The following SMARCA4 variants were observed in gnomAD, a reference collection of about 807,000 sequenced individuals.
The protein encoded by SMARCA4 is SWI/SNF related BAF chromatin remodeling complex subunit ATPase 4, also known as SWI/SNF-related matrix-associated actin-dependent regulator of chromatin subfamily A member 4.
SMARCA4 carries 31 observed loss-of-function variants against 193.9 expected under a neutral mutation model. The ratio of observed to expected loss-of-function variants is 0.16; its 90% confidence interval spans 0.12 to 0.22. The LOEUF (loss-of-function observed/expected upper bound fraction) is 0.22. Among genes scored for constraint, SMARCA4 ranks in the 10% least tolerant of loss-of-function variants. SMARCA4 has a pLI of 1.00. For synonymous variants in SMARCA4, 942 were observed against 933.1 expected (o/e 1.01, Z -0.17); for missense variants, 1,148 against 2,296.0 (o/e 0.50, Z 10.22).
chr19:11,058,726 C>T lies in SMARCA4; in HGVS notation c.4534-62C>T, dbSNP rs1025236894. 1.4e-5 allele frequency: 20 copies of T among 1,421,510 alleles called. No homozygotes were observed. Among genetic ancestry groups the T allele is most frequent in the Admixed American group, 1.4e-4 (8 of 59,242 alleles). 88.1% of individuals were successfully genotyped at this position (1,421,510 alleles called of 1,614,324 possible). ...GCCCGTGGGGTCTCCAGCACACAGCCAGGCCTGCGGGCAGGCGAGGCGGGG... is the reference window on the plus strand; with the variant it reads ...GCCCGTGGGGTCTCCAGCACACAGCTAGGCCTGCGGGCAGGCGAGGCGGGG... On this transcript the variant is annotated intron_variant, in intron 31 of 34. Coordinates refer to ENST00000344626, the MANE Select transcript of SMARCA4 (RefSeq NM_003072.5). The surrounding 1 kb of genome is among the most constrained non-coding windows in gnomAD (Gnocchi z 5.8).
At chr19:10,996,109 T>C in intron 9 of SMARCA4, 104 bp from the exon 10 acceptor site, 2 of 1,142,072 alleles carry the variant, frequency 1.8e-6, no homozygotes, top group Non-Finnish European at 2.7e-6. Context: ...GGCACCCGCG[T>C]GAGCTACGCG....
chr19:11,035,368 G>C (rs942246045), intron 29 of SMARCA4, among the ~76,000 whole-genome samples: 1 of 152,242 alleles, frequency 6.6e-6, no homozygotes, highest in Admixed American at 6.5e-5. Context: ...CTCAAAACCT[G>C]CTGCTGGTTA....
At position 11,039,570 on chromosome 19, in the gene SMARCA4, T is replaced by A. The variant is rs199543083; in HGVS notation, c.4171-1737T>A. The stretch of plus-strand genomic sequence containing the variant: ...GCGTCAAAGGTGGGGAGAGTTCTGG[T>A]GGTGGGTGGCGCTGAGGGCTGCACA... On this transcript the variant is annotated intron_variant, in intron 29 of 34. Transcript: ENST00000344626. 1.9e-4 allele frequency: 298 copies of A among 1,544,960 alleles called. No homozygotes were observed. The African/African-American group carries it at 3.9e-3, about 20-fold the overall frequency.
At chr19:11,008,240 C>T (rs1255942202) in intron 14 of SMARCA4, 4 of 507,956 alleles carry the variant, frequency 7.9e-6, no homozygotes, top group Non-Finnish European at 1.1e-5. Context: ...CATATGCTTA[C>T]GAGGTACAGT....
At chr19:10,967,468 G>A (rs1175382623) in intron 1 of SMARCA4, among the ~76,000 whole-genome samples, 1 of 151,212 alleles carries the variant, frequency 6.6e-6, no homozygotes. Flanking sequence ...CCGCCACCAC[G>A]CCCGGCTAAT....
In SMARCA4 at chr19:10,995,671, C is replaced by T. The variant is rs906434943; in HGVS notation, c.1594-542C>T. On this transcript the variant is annotated intron_variant, in intron 9 of 34. Transcript: ENST00000344626. ...GCAGGCAGCCATGTGCCAGGGCAGC[C>T]GGTAGCCCTGGGCTCCCAGAACAGC... is the stretch of plus-strand genomic sequence containing the variant. The T allele has an allele frequency of 5.9e-5, 22 of 370,674 alleles. No individual in the cohort carries two copies. The East Asian group carries it at 9.5e-4, about 16-fold the overall frequency. 23.0% of individuals were successfully genotyped at this position (370,674 alleles called of 1,614,324 possible). A position where few individuals can be genotyped will look rare whatever the true frequency, so the allele number is the denominator to read the frequency against.
chr19:11,033,145 T>A lies in SMARCA4; in HGVS notation c.3547-145T>A. ...CGGCCCAGGCTCCACCAGCTCTGTT[T>A]TCATGCGGCGGCAGGTCAGGCTGGG... On this transcript the variant is annotated intron_variant, in intron 25 of 34. Coordinates refer to ENST00000344626, the MANE Select transcript of SMARCA4 (RefSeq NM_003072.5). The surrounding 1 kb of genome is among the most constrained non-coding windows in gnomAD (Gnocchi z 9.8). 2.8e-6 allele frequency: 2 copies of A among 713,284 alleles called. No individual in the cohort carries two copies. The highest frequency in any genetic ancestry group is 2.9e-5 in the South Asian group (2 of 68,148). The allele number at this position is 713,284 out of a possible 1,614,324, so 44.2% of individuals were successfully genotyped here. A position where few individuals can be genotyped will look rare whatever the true frequency, so the allele number is the denominator to read the frequency against.
intron 20 of SMARCA4, among the ~76,000 whole-genome samples, chr19:11,023,917 G>T (rs2090053617): frequency 6.6e-6 from 1 of 152,260 alleles, no homozygotes; most frequent in African/African-American, 2.4e-5. Flanking sequence ...ATCAGGAGGG[G>T]CCGTGGGCTT....
intron 1 of SMARCA4, among the ~76,000 whole-genome samples, chr19:10,974,687 A>ATATATATATATTT (rs2084968413): frequency 8.7e-5 from 4 of 46,220 alleles, no homozygotes; most frequent in African/African-American, 3.9e-4. Context: ...ATATATATAT[A>ATATATATATATTT]TATTTTTTTT....
chr19:11,044,223 C>T (rs544798491), intron 30 of SMARCA4, among the ~76,000 whole-genome samples: 4 of 152,100 alleles, frequency 2.6e-5, no homozygotes, highest in East Asian at 1.9e-4. Flanking sequence ...CTTGGATCCA[C>T]GTGACATGGA....
At chr19:11,000,841 C>CA (rs36059259) in intron 11 of SMARCA4, among the ~76,000 whole-genome samples, 34,879 of 145,804 alleles carry the variant, frequency 0.24, 4,191 homozygotes, top group South Asian at 0.35. Flanking sequence ...GCCTGGGCGA[C>CA]AGAGTGAGAC....
rs2145745324 is a variant in SMARCA4 at position 10,985,217 on chromosome 19, C to T, written c.223-56C>T. ...GCTTCTCTCGGGCAGCGCATAGCTGCGCTGCCACCTCACGTTCCACATGCT... is the reference window on the plus strand; with the variant it reads ...GCTTCTCTCGGGCAGCGCATAGCTGTGCTGCCACCTCACGTTCCACATGCT... On this transcript the variant is annotated intron_variant, in intron 2 of 34. Transcript: ENST00000344626. This position sits in a 1 kb window ranked among gnomAD's most constrained non-coding sequence, Gnocchi z 4.5. 7 of 1,604,148 alleles carry T rather than the reference C, an allele frequency of 4.4e-6. No homozygotes were observed. Among genetic ancestry groups the T allele is most frequent in the East Asian group, 4.5e-5 (2 of 44,812 alleles).
chr19:10,972,547 T>C (rs2084760263), intron 1 of SMARCA4, among the ~76,000 whole-genome samples: 1 of 152,192 alleles, frequency 6.6e-6, no homozygotes, highest in Non-Finnish European at 1.5e-5. Context: ...ACCAGCTTGG[T>C]GCATTCAGCG....
At position 11,054,460 on chromosome 19, in the gene SMARCA4, G is replaced by C. The variant is rs2076431291; in HGVS notation, c.4425-3795G>C. On this transcript the variant is annotated intron_variant, in intron 30 of 34. Coordinates refer to ENST00000344626, the MANE Select transcript of SMARCA4 (RefSeq NM_003072.5). ...ACCTCGGCCCAGGATCATCCCTGGG[G>C]GAAGGACTGACAGGAGCGCATCTTT... 2.0e-5 allele frequency among the ~76,000 whole-genome samples: 3 copies of C among 152,200 alleles called. No homozygotes were observed. The South Asian group carries it at 6.2e-4, about 31-fold the overall frequency.
At position 10,995,243 on chromosome 19, in the gene SMARCA4, G is replaced by A. The variant is rs143408860; in HGVS notation, c.1593+242G>A. ...CTTAGCCGGCTCCTCTGCCTTCTCT[G>A]GAAAATGGAGGTGGTGCCCCCTTCC... On this transcript the variant is annotated intron_variant, in intron 9 of 34. Transcript: ENST00000344626. 1.3e-3 allele frequency: 828 copies of A among 645,860 alleles called. 5 individuals carry two copies. Among genetic ancestry groups the A allele is most frequent in the African/African-American group, 0.013 (718 of 56,194 alleles). The allele number at this position is 645,860 out of a possible 1,614,324, so 40.0% of individuals were successfully genotyped here.
rs751166438 is a variant in SMARCA4, at chr19:10,996,535, G to A, written c.1803G>A (p.Pro601=). 158 of 1,614,010 alleles carry A rather than the reference G, an allele frequency of 9.8e-5. No individual in the cohort carries two copies. In the Admixed American group the frequency reaches 1.0e-3, roughly 11 times the overall value. Residue 601 remains proline, a synonymous_variant, in exon 11 of 35, where the codon CCG becomes CCA. Coordinates refer to ENST00000344626, the MANE Select transcript of SMARCA4 (RefSeq NM_003072.5). ...NAEGQTPAIG[P]DGEPLDETSQ... ...AAGGACAGACGCCTGCCATTGGGCCGGATGGCGAGGTGAGGAAGCAGGGTT... is the reference window on the plus strand; with the variant it reads ...AAGGACAGACGCCTGCCATTGGGCCAGATGGCGAGGTGAGGAAGCAGGGTT...
intron 16 of SMARCA4, among the ~76,000 whole-genome samples, chr19:11,015,583 C>CG (rs1420365833): frequency 6.6e-6 from 1 of 152,206 alleles, no homozygotes; most frequent in Non-Finnish European, 1.5e-5. Context: ...CCGTTAATAA[C>CG]TGTCTCGTGG....
chr19:10,986,219 A>T lies in SMARCA4; in HGVS notation c.386A>T (p.His129Leu), dbSNP rs2145772132. ...GYPSPLGGSE[H>L]ASSPVPASGP... ...CCCTCGCCCCTGGGTGGCTCTGAGC[A>T]TGCCTCTAGTCCAGTTCCAGCCAGT... The change falls in exon 4 of 35, where the codon CAT becomes CTT. Residue 129 changes from histidine to leucine, a missense_variant. Around this residue, in one of 17 missense-constraint regions of SMARCA4, gnomAD observed 201 missense variants for 248.3 expected, o/e 0.81. Coordinates refer to ENST00000344626, the MANE Select transcript of SMARCA4 (RefSeq NM_003072.5). The surrounding 1 kb of genome is among the most constrained non-coding windows in gnomAD (Gnocchi z 6.7). The T allele has an allele frequency of 6.2e-7, 1 of 1,613,912 alleles. No homozygotes were observed. The highest frequency in any genetic ancestry group is 8.5e-7 in the Non-Finnish European group (1 of 1,179,990).
At chr19:10,994,660 C>T (rs189560416) in intron 8 of SMARCA4, among the ~76,000 whole-genome samples, 168 bp from the exon 9 acceptor site, 2 of 151,852 alleles carry the variant, frequency 1.3e-5, no homozygotes, top group Admixed American at 6.6e-5. Flanking sequence ...GGGGTTTCAC[C>T]GTGTTAGCCA....
Sources: gnomAD v4.1 joint callset for allele counts (sites outside exome capture counted in the v4.1 genomes callset) on GRCh38, gnomAD v4.1.1 for gene constraint, gnomAD v4.1.1 regional missense constraint, Gnocchi (gnomAD v3.1) non-coding constraint, MANE v1.5 for transcripts, NCBI Gene and HGNC (gene_info 2026-07-23, HGNC 2026-07-21) for gene names.